PPP1R12B: variants seen among roughly 807,000 people sequenced by gnomAD.
PPP1R12B encodes myosin phosphatase target subunit 2.
In PPP1R12B, 76 loss-of-function variants were observed where a neutral mutation model predicts 126.1. That is an observed-to-expected ratio of 0.60 (90% CI 0.50 to 0.73). The LOEUF is 0.73. Ranked by LOEUF, PPP1R12B falls within the 30% of genes least tolerant of loss-of-function variation. The pLI is 0.00. For missense variants in PPP1R12B, 1,052 were observed against 1,205.1 expected, an observed-to-expected ratio of 0.87 and a Z score of 1.88; for synonymous variants, 356 against 434.7, an observed-to-expected ratio of 0.82 and a Z score of 2.25.
chr1:202,592,380 T>G lies in PPP1R12B; in HGVS notation c.*11820T>G, dbSNP rs1690152839. 1 of 152,656 alleles carries G rather than the reference T, an allele frequency of 6.6e-6. No homozygotes were observed. The highest frequency in any genetic ancestry group is 2.1e-4 in the South Asian group (1 of 4,834). 9.5% of individuals were successfully genotyped at this position (152,656 alleles called of 1,614,324 possible). ...CCCACTGATGACTCCCATGGGGGGT[T>G]TCCCGATGGGAGGAGGCAGGGGTGG... is the stretch of plus-strand genomic sequence containing the variant. On this transcript the variant is annotated 3_prime_UTR_variant, in exon 24 of 24. Transcript: ENST00000608999.
At chr1:202,515,924 C>T (rs1042858302) in intron 18 of PPP1R12B, among the ~76,000 whole-genome samples, 3 of 152,110 alleles carry the variant, frequency 2.0e-5, no homozygotes, top group Admixed American at 6.5e-5. Context: ...TTTCTATAGC[C>T]AGAAATTAGA....
chr1:202,414,050 T>C (rs925560776), intron 1 of PPP1R12B, among the ~76,000 whole-genome samples: 11 of 152,166 alleles, frequency 7.2e-5, no homozygotes, highest in Admixed American at 5.9e-4. Flanking sequence ...GCCTCCTGAG[T>C]ACCTGAGATT....
intron 20 of PPP1R12B, 83 bp downstream of exon 20, chr1:202,563,005 A>T: frequency 7.2e-7 from 1 of 1,398,258 alleles, no homozygotes; most frequent in South Asian, 1.6e-5. Flanking sequence ...AAAAATTACC[A>T]TAGCTCTGAA....
intron 18 of PPP1R12B, among the ~76,000 whole-genome samples, chr1:202,555,655 C>T (rs1201767993): frequency 6.6e-6 from 1 of 151,994 alleles, no homozygotes; most frequent in Admixed American, 6.6e-5. Context: ...TTTTTCCATA[C>T]CTAAGACGAT....
At chr1:202,477,882 G>A (rs1261732238) in intron 13 of PPP1R12B, among the ~76,000 whole-genome samples, 1 of 152,216 alleles carries the variant, frequency 6.6e-6, no homozygotes, top group Non-Finnish European at 1.5e-5. Context: ...AAACATAGTA[G>A]ATAGAGATGG....
chr1:202,428,778 A>T (rs951031101), intron 5 of PPP1R12B, 77 bp from the exon 6 acceptor site: 1 of 1,391,910 alleles, frequency 7.2e-7, no homozygotes, highest in African/African-American at 1.5e-5. Context: ...GTGACTTTTG[A>T]ATAGTTCCCT....
At chr1:202,378,729 C>T (rs1398304343) in intron 1 of PPP1R12B, among the ~76,000 whole-genome samples, 4 of 152,318 alleles carry the variant, frequency 2.6e-5, no homozygotes, top group Admixed American at 2.0e-4. Flanking sequence ...CCGCCCACCT[C>T]GGCTTCCCAA....
chr1:202,421,486 A>G (rs1188437564), intron 2 of PPP1R12B, among the ~76,000 whole-genome samples: 1 of 151,766 alleles, frequency 6.6e-6, no homozygotes, highest in Admixed American at 6.6e-5. Context: ...AAAAAATACA[A>G]AAAATTAGCT....
intron 9 of PPP1R12B, among the ~76,000 whole-genome samples, chr1:202,437,558 T>A (rs1670993903): frequency 6.6e-6 from 1 of 152,148 alleles, no homozygotes. Flanking sequence ...AGATAGCAAA[T>A]TTCTCAGAAC....
chr1:202,463,167 A>G (rs963515692), intron 13 of PPP1R12B: 5 of 768,132 alleles, frequency 6.5e-6, no homozygotes, highest in South Asian at 6.0e-5. Context: ...GCTTGGTTGC[A>G]TACTTTGATT....
At chr1:202,432,581 GT>G (rs1246212938) in intron 8 of PPP1R12B, among the ~76,000 whole-genome samples, 1 of 152,138 alleles carries the variant, frequency 6.6e-6, no homozygotes, top group Non-Finnish European at 1.5e-5. Context: ...AGCTTCTTAA[GT>G]TTATTGTTTG....
intron 1 of PPP1R12B, among the ~76,000 whole-genome samples, chr1:202,387,252 ATAT>A (rs1663301161): frequency 6.6e-6 from 1 of 152,234 alleles, no homozygotes; most frequent in African/African-American, 2.4e-5. Flanking sequence ...TCAGTGTGGC[ATAT>A]TAACAAGACT....
intron 1 of PPP1R12B, among the ~76,000 whole-genome samples, chr1:202,351,562 A>G (rs947312491): frequency 4.6e-5 from 7 of 152,208 alleles, no homozygotes; most frequent in African/African-American, 1.7e-4. Flanking sequence ...CCTAAGGTAC[A>G]TAAAAGACTA....
chr1:202,572,944 T>A (rs985814825), intron 23 of PPP1R12B, among the ~76,000 whole-genome samples: 1 of 152,220 alleles, frequency 6.6e-6, no homozygotes, highest in Non-Finnish European at 1.5e-5. Flanking sequence ...CTCTCCCTCA[T>A]GCTGATAACT....
chr1:202,569,946 G>A (rs1400081025), intron 23 of PPP1R12B, among the ~76,000 whole-genome samples: 1 of 152,192 alleles, frequency 6.6e-6, no homozygotes, highest in Non-Finnish European at 1.5e-5. Context: ...GTGGGGCAGG[G>A]GGAGGGGAGG....
chr1:202,440,725 A>C lies in PPP1R12B; in HGVS notation c.1478A>C (p.Tyr493Ser). 4 of 1,613,608 alleles carry C rather than the reference A, an allele frequency of 2.5e-6. No individual in the cohort carries two copies. The highest frequency in any genetic ancestry group is 3.4e-6 in the Non-Finnish European group (4 of 1,179,526). The change falls in exon 11 of 24, where the codon TAT becomes TCT. Residue 493 changes from tyrosine to serine, a missense_variant. Transcript: ENST00000608999. The stretch of plus-strand genomic sequence containing the variant: ...TTACAGGAGAGAGAAAACAAAAGCT[A>C]TATTAGTTCACTAGCACCCCGGAAG... ...NKDKERENKS[Y>S]ISSLAPRKLN...
In PPP1R12B at chr1:202,488,536, C is replaced by A; in HGVS notation, c.1854C>A (p.Ser618=). ...SSVEAREKRR[S]YLTPVRDEEA... is the part of the protein sequence containing the mutation. ...TATTACTTTTTTTTCTCTGCAGGTCCTATCTGACTCCTGTACGGGATGAGG... is the reference window on the plus strand; with the variant it reads ...TATTACTTTTTTTTCTCTGCAGGTCATATCTGACTCCTGTACGGGATGAGG... The change falls in exon 14 of 24, where the codon TCC becomes TCA. Residue 618 remains serine (S), a synonymous_variant. Coordinates refer to ENST00000608999, the MANE Select transcript of PPP1R12B (RefSeq NM_002481.4). 2 of 1,606,962 alleles carry A rather than the reference C, an allele frequency of 1.2e-6. No homozygotes were observed. Among genetic ancestry groups the A allele is most frequent in the South Asian group, 2.2e-5 (2 of 90,208 alleles).
chr1:202,581,832 A>G lies in PPP1R12B; in HGVS notation c.*1272A>G, dbSNP rs1055917178. Reference sequence around the variant, plus strand: ...TTACTTTCTTAGAAATTAATAGGGGAAATGGCACTTAATAGAGGTTTAATG... The same window carrying G: ...TTACTTTCTTAGAAATTAATAGGGGGAATGGCACTTAATAGAGGTTTAATG... On this transcript the variant is annotated 3_prime_UTR_variant, in exon 24 of 24. Coordinates refer to ENST00000608999, the MANE Select transcript of PPP1R12B (RefSeq NM_002481.4). The G allele has an allele frequency of 2.0e-5, 3 of 152,180 alleles. No individual in the cohort carries two copies. Among genetic ancestry groups the G allele is most frequent in the Admixed American group, 6.6e-5 (1 of 15,262 alleles). The allele number at this position is 152,180 out of a possible 1,614,324, so 9.4% of individuals were successfully genotyped here. A position where few individuals can be genotyped will look rare whatever the true frequency, so the allele number is the denominator to read the frequency against.
At chr1:202,523,867 A>G (rs1683047983) in intron 18 of PPP1R12B, among the ~76,000 whole-genome samples, 1 of 152,070 alleles carries the variant, frequency 6.6e-6, no homozygotes, top group Non-Finnish European at 1.5e-5. Flanking sequence ...GGTGCATGCC[A>G]CCACGCCCAG....
Sources: allele counts gnomAD v4.1 joint callset (sites outside exome capture counted in the v4.1 genomes callset), GRCh38; gene constraint gnomAD v4.1.1; transcripts MANE v1.5; gene names NCBI Gene and HGNC (gene_info 2026-07-23, HGNC 2026-07-21).